LRRK2: variants seen among roughly 807,000 people sequenced by gnomAD.
The protein encoded by LRRK2 is leucine-rich repeat serine/threonine-protein kinase 2.
In LRRK2, 203 loss-of-function variants were observed where a neutral mutation model predicts 302.6. That is an observed-to-expected ratio of 0.67 (90% CI 0.60 to 0.75). The LOEUF is 0.75. LRRK2 is among the 30% of genes least tolerant of loss of function. The pLI, the probability that LRRK2 is intolerant of heterozygous loss-of-function variation, is 0.00. For synonymous variants in LRRK2, 1,066 were observed against 1,031.9 expected (o/e 1.03, Z -0.63); for missense variants, 2,830 against 2,951.0 (o/e 0.96, Z 0.95).
At position 40,309,099 on chromosome 12, in the gene LRRK2, T is replaced by C. The variant is rs745680407; in HGVS notation, c.4190-7T>C. 3 of 1,613,278 alleles carry C rather than the reference T, an allele frequency of 1.9e-6. No homozygotes were observed. The South Asian group carries it at 3.3e-5, about 18-fold the overall frequency. ...ATTAAAAAAATTTGTCTCTAATCTTTATTTAGGTCGTGAGGAATTCTATAG... is the reference window on the plus strand; with the variant it reads ...ATTAAAAAAATTTGTCTCTAATCTTCATTTAGGTCGTGAGGAATTCTATAG... On this transcript the variant is annotated splice_region_variant and splice_polypyrimidine_tract_variant and intron_variant, in intron 29 of 50. Coordinates refer to ENST00000298910, the MANE Select transcript of LRRK2 (RefSeq NM_198578.4).
chr12:40,320,140 G>T lies in LRRK2; in HGVS notation c.4980G>T (p.Leu1660Phe). The stretch of plus-strand genomic sequence containing the variant: ...TCCTAGAAAAATTCCAGATTGCTTT[G>T]CCAATAGGAGAAGAATATTTGCTGG... ...FKLLEKFQIALPIGEEYLLVP... is the reference protein window; with the variant it reads ...FKLLEKFQIAFPIGEEYLLVP... Residue 1660 changes from leucine to phenylalanine, a missense_variant, in exon 34 of 51, where the codon TTG becomes TTT. By Grantham distance (22) the Leu-to-Phe change is conservative. Around this residue, in one of 3 missense-constraint regions of LRRK2, gnomAD observed 2,121 missense variants for 2,148.0 expected, o/e 0.99. Coordinates refer to ENST00000298910, the MANE Select transcript of LRRK2 (RefSeq NM_198578.4). 6.2e-7 allele frequency: 1 copy of T among 1,612,042 alleles called. No homozygotes were observed. The highest frequency in any genetic ancestry group is 8.5e-7 in the Non-Finnish European group (1 of 1,178,910).
chr12:40,328,572 GT>G, intron 39 of LRRK2, 112 bp downstream of exon 39: 1 of 780,568 alleles, frequency 1.3e-6, no homozygotes, highest in Non-Finnish European at 2.0e-6. Flanking sequence ...TTCTACTTAA[GT>G]TTAATTATGC....
chr12:40,358,156 C>T (rs1045397615), intron 46 of LRRK2, among the ~76,000 whole-genome samples: 3 of 151,750 alleles, frequency 2.0e-5, no homozygotes, highest in African/African-American at 7.3e-5. Context: ...GAATAGTTTG[C>T]AAATATTTCC....
chr12:40,312,240 A>C (rs934180575), intron 31 of LRRK2, among the ~76,000 whole-genome samples: 2 of 152,164 alleles, frequency 1.3e-5, no homozygotes, highest in African/African-American at 4.8e-5. Context: ...ATCACCTTTG[A>C]AGACAACTTT....
At chr12:40,253,386 T>A (rs998583447) in intron 11 of LRRK2, among the ~76,000 whole-genome samples, 3 of 152,202 alleles carry the variant, frequency 2.0e-5, no homozygotes, top group Non-Finnish European at 4.4e-5. Flanking sequence ...TTTAATTTTT[T>A]AAATTAATTT....
At chr12:40,273,902 A>G (rs1943339105) in intron 14 of LRRK2, among the ~76,000 whole-genome samples, 1 of 152,104 alleles carries the variant, frequency 6.6e-6, no homozygotes. Flanking sequence ...AAATACCTTC[A>G]TAGTGTCAAA....
rs186325830 is a variant in LRRK2 at position 40,237,901 on chromosome 12, T to A, written c.437-68T>A. 3 of 1,500,722 alleles carry A rather than the reference T, an allele frequency of 2.0e-6. No individual in the cohort carries two copies. The East Asian group carries it at 6.8e-5, about 34-fold the overall frequency. 93.0% of individuals were successfully genotyped at this position (1,500,722 alleles called of 1,614,324 possible). On this transcript the variant is annotated intron_variant, in intron 4 of 50. Coordinates refer to ENST00000298910, the MANE Select transcript of LRRK2 (RefSeq NM_198578.4). ...CAGTCTTCATGTAAAAATTAATTCA[T>A]GTAAAAATTAACACATTAAATGTTA... is the stretch of plus-strand genomic sequence containing the variant.
At chr12:40,320,222 CTATT>C (rs1186846763) in intron 34 of LRRK2, 47 bp downstream of exon 34, 5 of 1,451,118 alleles carry the variant, frequency 3.4e-6, no homozygotes, top group East Asian at 2.3e-5. Flanking sequence ...AATTCACTAT[CTATT>C]CTTTTAATTG....
chr12:40,303,372 G>A (rs1419706416), intron 26 of LRRK2, among the ~76,000 whole-genome samples: 2 of 152,088 alleles, frequency 1.3e-5, no homozygotes, highest in South Asian at 2.1e-4. Context: ...TGGATCTTGA[G>A]TGTGTTGTAA....
chr12:40,340,589 C>A, intron 41 of LRRK2, 135 bp downstream of exon 41: 1 of 892,080 alleles, frequency 1.1e-6, no homozygotes, highest in Non-Finnish European at 1.8e-6. Flanking sequence ...TGAAAAAATG[C>A]AAGCATCACA....
intron 40 of LRRK2, among the ~76,000 whole-genome samples, chr12:40,339,219 C>G (rs997679664): frequency 2.6e-4 from 39 of 152,072 alleles, no homozygotes; most frequent in Non-Finnish European, 4.6e-4. Context: ...CCAACAGTCA[C>G]GAATAAGCAA....
intron 31 of LRRK2, among the ~76,000 whole-genome samples, chr12:40,313,116 T>C (rs1945090541): frequency 6.6e-6 from 1 of 152,054 alleles, no homozygotes; most frequent in Non-Finnish European, 1.5e-5. Context: ...GAAATTCTGA[T>C]TCGTATTTTC....
intron 20 of LRRK2, 49 bp from the exon 21 acceptor site, chr12:40,293,496 G>A (rs72546322): frequency 8.4e-7 from 1 of 1,188,578 alleles, no homozygotes; most frequent in East Asian, 2.4e-5. Flanking sequence ...TTATGATTGA[G>A]TAAGCTTTTT....
rs1308162448 is a variant in LRRK2, at chr12:40,251,379, G to C, written c.1101+5G>C. 1 of 1,613,704 alleles carries C rather than the reference G, an allele frequency of 6.2e-7. No homozygotes were observed. The highest frequency in any genetic ancestry group is 2.2e-5 in the East Asian group (1 of 44,852). ...AGAAAGAACAAGCACGTGCAGGTAG[G>C]ACTCTCATAAATATTAGAGTTATTC... is the stretch of plus-strand genomic sequence containing the variant. On this transcript the variant is annotated splice_donor_5th_base_variant and intron_variant, in intron 9 of 50. Coordinates refer to ENST00000298910, the MANE Select transcript of LRRK2 (RefSeq NM_198578.4).
intron 38 of LRRK2, among the ~76,000 whole-genome samples, chr12:40,325,246 C>T (rs1279632643): frequency 6.6e-6 from 1 of 152,190 alleles, no homozygotes; most frequent in African/African-American, 2.4e-5. Flanking sequence ...GAGGTTGTGC[C>T]ACTGCACTCC....
rs554246800 is a variant in LRRK2, at chr12:40,308,832, C to T, written c.4189+136C>T. 1.1e-5 allele frequency: 10 copies of T among 931,812 alleles called. No individual in the cohort carries two copies. In the African/African-American group the frequency reaches 1.5e-4, roughly 14 times the overall value. 57.7% of individuals were successfully genotyped at this position (931,812 alleles called of 1,614,324 possible). ...ATTATTCCAAAGCCCTTCATTTCTC[C>T]TAATTTTACCCTTGCCTCCAGAATG... On this transcript the variant is annotated intron_variant, in intron 29 of 50. Transcript: ENST00000298910.
At position 40,304,733 on chromosome 12, in the gene LRRK2, TA is replaced by T. The variant is rs1408642875; in HGVS notation, c.3777+601del. 5 of 152,252 alleles carry T rather than the reference TA, an allele frequency of 3.3e-5. No individual in the cohort carries two copies. In the East Asian group the frequency reaches 9.6e-4, roughly 29 times the overall value. The allele number at this position is 152,252 out of a possible 1,614,324, so 9.4% of individuals were successfully genotyped here. A position where few individuals can be genotyped will look rare whatever the true frequency, so the allele number is the denominator to read the frequency against. Reference sequence around the variant, plus strand: ...TCATTTAATAACTATAAATTCAAAATAAGCATTGTAAATATCAATACCATTC... The same window carrying T: ...TCATTTAATAACTATAAATTCAAAATAGCATTGTAAATATCAATACCATTC... On this transcript the variant is annotated intron_variant, in intron 27 of 50. Transcript: ENST00000298910.
chr12:40,308,316 C>G, intron 28 of LRRK2, 151 bp from the exon 29 acceptor site: 1 of 620,960 alleles, frequency 1.6e-6, no homozygotes, highest in Non-Finnish European at 2.7e-6. Context: ...ATTAACAGTA[C>G]TCTGAAAGAC....
At chr12:40,243,238 T>A (rs933934208) in intron 6 of LRRK2, among the ~76,000 whole-genome samples, 20 of 152,144 alleles carry the variant, frequency 1.3e-4, no homozygotes, top group Admixed American at 3.9e-4. Flanking sequence ...ACTTTCATTT[T>A]CAGTACTTTT....
Sources: gnomAD v4.1 joint callset for allele counts (sites outside exome capture counted in the v4.1 genomes callset) on GRCh38, gnomAD v4.1.1 for gene constraint, gnomAD v4.1.1 regional missense constraint, MANE v1.5 for transcripts, NCBI Gene and HGNC (gene_info 2026-07-23, HGNC 2026-07-21) for gene names.